Variants in BRMS1 observed in about 807,000 individuals in gnomAD.
BRMS1 encodes breast cancer metastasis-suppressor 1.
In BRMS1, 26 loss-of-function variants were observed where a neutral mutation model predicts 40.4. The ratio of observed to expected loss-of-function variants is 0.64; its 90% CI spans 0.47 to 0.89. The LOEUF (loss-of-function observed/expected upper bound fraction) is 0.89, where lower values mean the gene tolerates loss of function less well. Among genes scored for constraint, BRMS1 ranks in the 40% least tolerant of loss-of-function variants. BRMS1 has a pLI of 0.00. For synonymous variants in BRMS1, 103 were observed against 116.0 expected (o/e 0.89, Z 0.72); for missense variants, 289 against 309.4 (o/e 0.93, Z 0.49).
At chr11:66,344,546 G>A (rs1035533555) in intron 1 of BRMS1, 1 of 152,206 alleles carries the variant, frequency 6.6e-6, no homozygotes, top group Non-Finnish European at 1.5e-5. Flanking sequence ...TCCTCCCCCT[G>A]GTTCTGATTA....
chr11:66,342,024 GCT>G, intron 2 of BRMS1, 70 bp downstream of exon 2: 1 of 1,498,860 alleles, frequency 6.7e-7, no homozygotes, highest in South Asian at 1.2e-5. Flanking sequence ...GTGTGTAGGG[GCT>G]GTGTGTGTGC....
Position 66,340,259 on chromosome 11 carries a change from T to C in BRMS1, c.536-46A>G, listed in dbSNP as rs752409934. 7.8e-6 allele frequency: 12 copies of C among 1,535,764 alleles called. 1 individual carries two copies. In the South Asian group the frequency reaches 1.3e-4, roughly 17 times the overall value. On this transcript the variant is annotated intron_variant, in intron 6 of 9. Coordinates refer to ENST00000359957, the MANE Select transcript of BRMS1 (RefSeq NM_015399.4). The stretch of plus-strand genomic sequence containing the variant: ...AGAATTGGGGTGCTGGCCCACAGGA[T>C]ACTCCCTTTTCTGTAGCCTCTGCCT...
Position 66,337,723 on chromosome 11 carries a change from G to A in BRMS1, c.*159C>T, listed in dbSNP as rs1052566. ...CGAGGAGGGCAGAGGAGGAGTCCAGGCCAGTGCCAGATGGAGTGGGAGGGC... is the reference window on the plus strand; with the variant it reads ...CGAGGAGGGCAGAGGAGGAGTCCAGACCAGTGCCAGATGGAGTGGGAGGGC... On this transcript the variant is annotated 3_prime_UTR_variant, in exon 10 of 10. Coordinates refer to ENST00000359957, the MANE Select transcript of BRMS1 (RefSeq NM_015399.4). 0.3 allele frequency: 478,134 copies of A among 1,609,178 alleles called. 75,872 individuals carry two copies. The highest frequency in any genetic ancestry group is 0.52 in the South Asian group (47,227 of 90,708).
At position 66,340,838 on chromosome 11, in the gene BRMS1, C is replaced by G; in HGVS notation, c.471G>C (p.Gln157His). ...TCTGGATCCGCTCCTGCAGCTCCCC[C>G]TGCAGCGTGTCATAGAGCAGCAGCT... ...SEKLLLYDTL[Q>H]GELQERIQRL... is the part of the protein sequence containing the mutation. The change falls in exon 6 of 10, where the codon CAG becomes CAC. Residue 157 changes from glutamine to histidine, a missense_variant. Gln to His is a conservative substitution (Grantham distance 24). Transcript: ENST00000359957. The G allele has an allele frequency of 6.2e-7, 1 of 1,614,050 alleles. No individual in the cohort carries two copies. The highest frequency in any genetic ancestry group is 8.5e-7 in the Non-Finnish European group (1 of 1,180,024).
intron 7 of BRMS1, among the ~76,000 whole-genome samples, chr11:66,339,220 C>T (rs1279343521): frequency 2.0e-5 from 3 of 152,212 alleles, no homozygotes; most frequent in African/African-American, 7.2e-5. Context: ...TCCTCCCTCC[C>T]TGCCTGGGCC....
In BRMS1 at chr11:66,338,394, A is replaced by G. The variant is rs1280886374; in HGVS notation, c.694-112T>C. 3.3e-6 allele frequency: 5 copies of G among 1,527,102 alleles called. No individual in the cohort carries two copies. In the Admixed American group the frequency reaches 1.0e-4, roughly 31 times the overall value. The allele number at this position is 1,527,102 out of a possible 1,614,324, so 94.6% of individuals were successfully genotyped here. ...GCTGTTGCCTCAGTGCTGTGCCCCC[A>G]GGACCGGGAGCATAGGCCCCACCCA... is the stretch of plus-strand genomic sequence containing the variant. On this transcript the variant is annotated intron_variant, in intron 8 of 9. Transcript: ENST00000359957.
intron 6 of BRMS1, 138 bp downstream of exon 6, chr11:66,340,636 C>T: frequency 1.4e-6 from 1 of 699,460 alleles, no homozygotes; most frequent in Non-Finnish European, 2.3e-6. Context: ...CAGGCCTGGT[C>T]TCCTTCAGCC....
intron 9 of BRMS1, 43 bp downstream of exon 9, chr11:66,338,200 G>A (rs1425160512): frequency 6.2e-7 from 1 of 1,603,464 alleles, no homozygotes; most frequent in Non-Finnish European, 8.5e-7. Flanking sequence ...GAAAGGTGAT[G>A]GCAAGGGGGC....
chr11:66,338,872 C>T (rs1004060281), intron 7 of BRMS1, 87 bp from the exon 8 acceptor site: 4 of 1,345,528 alleles, frequency 3.0e-6, no homozygotes, highest in Non-Finnish European at 4.1e-6. Context: ...GGGGGTACAG[C>T]GGACAGCATG....
At position 66,341,819 on chromosome 11, in the gene BRMS1, C is replaced by T. The variant is rs1855086517; in HGVS notation, c.140-196G>A. 15 of 617,934 alleles carry T rather than the reference C, an allele frequency of 2.4e-5. No individual in the cohort carries two copies. The highest frequency in any genetic ancestry group is 4.3e-4 in the Middle Eastern group (1 of 2,344). The allele number at this position is 617,934 out of a possible 1,614,324, so 38.3% of individuals were successfully genotyped here. A position where few individuals can be genotyped will look rare whatever the true frequency, so the allele number is the denominator to read the frequency against. On this transcript the variant is annotated intron_variant, in intron 2 of 9. Coordinates refer to ENST00000359957, the MANE Select transcript of BRMS1 (RefSeq NM_015399.4). This position sits in a 1 kb window ranked among gnomAD's most constrained non-coding sequence, Gnocchi z 4.9. ...TGTGTAGGGGCTGTGTGTGCATATG[C>T]GTGCGTGCTTGTGTGAAGGGGCTGT...
At chr11:66,340,691 C>T in intron 6 of BRMS1, 83 bp downstream of exon 6, 3 of 1,230,150 alleles carry the variant, frequency 2.4e-6, no homozygotes, top group Non-Finnish European at 3.4e-6. Context: ...GTCCCCTTGA[C>T]TTCAGGACAT....
In BRMS1 at chr11:66,340,937, C is replaced by G. The variant is rs376118217; in HGVS notation, c.438+30G>C. ...GGCCACTTCAGGCTTTGTGCCCTGC[C>G]TCACCCCCAGTGTGCCCAATCAGGC... is the stretch of plus-strand genomic sequence containing the variant. On this transcript the variant is annotated intron_variant, in intron 5 of 9. Transcript: ENST00000359957. 3.1e-6 allele frequency: 5 copies of G among 1,613,828 alleles called. No individual in the cohort carries two copies. The African/African-American group carries it at 6.7e-5, about 22-fold the overall frequency.
At position 66,342,925 on chromosome 11, in the gene BRMS1, T is replaced by C. The variant is rs556164858; in HGVS notation, c.-7-684A>G. On this transcript the variant is annotated intron_variant, in intron 1 of 9. Transcript: ENST00000359957. ...AATGTTACAATCTCCTTGTCTTTCA[T>C]TGTGCTCTGGGTCAAATCCCATCTC... Among the ~76,000 whole-genome samples, 32 of 152,370 alleles carry C rather than the reference T, an allele frequency of 2.1e-4. 1 individual carries two copies. The highest frequency in any genetic ancestry group is 6.8e-3 in the Middle Eastern group (2 of 294).
chr11:66,344,336 T>C (rs1406372756), intron 1 of BRMS1, among the ~76,000 whole-genome samples: 4 of 152,226 alleles, frequency 2.6e-5, no homozygotes, highest in Non-Finnish European at 5.9e-5. Context: ...ATAGTAAGCC[T>C]GGCCTAGGTG....
Position 66,337,831 on chromosome 11 carries a change from T to C in BRMS1, c.*51A>G, listed in dbSNP as rs1565204353. The C allele has an allele frequency of 6.2e-7, 1 of 1,614,186 alleles. No individual in the cohort carries two copies. The highest frequency in any genetic ancestry group is 2.2e-5 in the East Asian group (1 of 44,886). On this transcript the variant is annotated 3_prime_UTR_variant, in exon 10 of 10. Coordinates refer to ENST00000359957, the MANE Select transcript of BRMS1 (RefSeq NM_015399.4). ...GTCTGCAGGAGGAAGACGAGAATCC[T>C]GGGTGCAGTGCCAGCTGCTCTGAGG...
At chr11:66,338,007 G>T in intron 9 of BRMS1, 118 bp from the exon 10 acceptor site, 1 of 1,264,514 alleles carries the variant, frequency 7.9e-7, no homozygotes, top group Non-Finnish European at 1.1e-6. Context: ...CAGCTCCACA[G>T]CCCTCCCTGA....
intron 8 of BRMS1, 76 bp downstream of exon 8, chr11:66,338,645 C>T (rs1397669306): frequency 3.1e-6 from 5 of 1,610,776 alleles, no homozygotes; most frequent in Admixed American, 1.7e-5. Flanking sequence ...ACTCCCAGGC[C>T]TGCAGATGGC....
rs1855072243 is a variant in BRMS1, at chr11:66,341,453, C to T, written c.230+80G>A. The T allele has an allele frequency of 3.1e-6, 5 of 1,598,636 alleles. No individual in the cohort carries two copies. The highest frequency in any genetic ancestry group is 4.3e-6 in the Non-Finnish European group (5 of 1,167,204). On this transcript the variant is annotated intron_variant, in intron 3 of 9. Coordinates refer to ENST00000359957, the MANE Select transcript of BRMS1 (RefSeq NM_015399.4). This position sits in a 1 kb window ranked among gnomAD's most constrained non-coding sequence, Gnocchi z 4.9. ...TAGGCGCGCACTTCCTGGGCACCAA[C>T]CACGCCTGCCCAGTACCAGGCCCAC...
intron 6 of BRMS1, among the ~76,000 whole-genome samples, chr11:66,340,570 A>G (rs1343536957): frequency 2.6e-5 from 4 of 152,210 alleles, no homozygotes; most frequent in African/African-American, 9.7e-5. Context: ...GAGCAGGGGC[A>G]GAAGAGGCAG....
Sources: gnomAD v4.1 joint callset for allele counts (sites outside exome capture counted in the v4.1 genomes callset) on GRCh38, gnomAD v4.1.1 for gene constraint, Gnocchi (gnomAD v3.1) non-coding constraint, MANE v1.5 for transcripts, NCBI Gene and HGNC (gene_info 2026-07-23, HGNC 2026-07-21) for gene names.